Variants in PDLIM1 observed in about 807,000 individuals in gnomAD.
PDLIM1 encodes the protein PDZ and LIM domain 1.
PDLIM1 carries 25 observed loss-of-function variants against 35.2 expected under a neutral mutation model. That is an observed-to-expected ratio of 0.71 (90% CI 0.52 to 0.99). The LOEUF (loss-of-function observed/expected upper bound fraction) is 0.99, where lower values mean the gene tolerates loss of function less well. Among genes scored for constraint, PDLIM1 ranks in the 50% least tolerant of loss-of-function variants. The pLI is 0.00. For synonymous variants in PDLIM1, 152 were observed against 154.0 expected (o/e 0.99, Z 0.10); for missense variants, 363 against 415.3 (o/e 0.87, Z 1.09).
At chr10:95,271,003 G>A (rs139607128) in intron 2 of PDLIM1, among the ~76,000 whole-genome samples, 44 of 151,678 alleles carry the variant, frequency 2.9e-4, no homozygotes, top group South Asian at 1.0e-3. Context: ...TGTCTGCCTC[G>A]GCCTCCCAAA....
intron 5 of PDLIM1, among the ~76,000 whole-genome samples, chr10:95,242,173 C>T (rs1311493211): frequency 2.6e-5 from 4 of 152,082 alleles, no homozygotes; most frequent in Non-Finnish European, 4.4e-5. Context: ...TCAGTTCTGC[C>T]CCACCAGCAG....
At chr10:95,250,912 T>C (rs540738489) in intron 4 of PDLIM1, among the ~76,000 whole-genome samples, 1 of 152,316 alleles carries the variant, frequency 6.6e-6, no homozygotes. Flanking sequence ...CCAGGGTTAT[T>C]CTAGCCAAGC....
At position 95,247,259 on chromosome 10, in the gene PDLIM1, G is replaced by A. The variant is rs767998963; in HGVS notation, c.641C>T (p.Thr214Met). Residue 214 changes from threonine to methionine, a missense_variant, in exon 5 of 7, where the codon ACG (threonine) becomes ATG (methionine). Physicochemically the swap from Thr to Met is moderately conservative, Grantham distance 81. Transcript: ENST00000329399. ...QELNEPPKQS[T>M]SFLVLQEILE... ...GATTTCCTGCAAAACCAAGAAAGAC[G>A]TGGACTGTTTCGGGGGCTCATTCAA... 18 of 1,613,946 alleles carry A rather than the reference G, an allele frequency of 1.1e-5. No homozygotes were observed. Among genetic ancestry groups the A allele is most frequent in the East Asian group, 8.9e-5 (4 of 44,894 alleles).
At chr10:95,278,509 T>C (rs1292236248) in intron 1 of PDLIM1, among the ~76,000 whole-genome samples, 1 of 151,098 alleles carries the variant, frequency 6.6e-6, no homozygotes, top group Non-Finnish European at 1.5e-5. Context: ...AACAAGGTAG[T>C]AGGGGCCTAA....
chr10:95,255,900 T>TACACACAC (rs59292355), intron 4 of PDLIM1, among the ~76,000 whole-genome samples: 4,006 of 138,874 alleles, frequency 0.029, 94 homozygotes, highest in South Asian at 0.11. Flanking sequence ...CCCCCCCCAC[T>TACACACAC]ACACACACAC....
At chr10:95,249,882 G>T (rs1179068718) in intron 4 of PDLIM1, among the ~76,000 whole-genome samples, 1 of 152,190 alleles carries the variant, frequency 6.6e-6, no homozygotes. Context: ...CAAGATTCAT[G>T]GGTTGGTCAC....
At chr10:95,277,795 A>G (rs574813574) in intron 1 of PDLIM1, among the ~76,000 whole-genome samples, 2 of 152,304 alleles carry the variant, frequency 1.3e-5, no homozygotes, top group South Asian at 4.1e-4. Context: ...TTAGAGGCCA[A>G]CATGTTCTCC....
In PDLIM1 at chr10:95,238,056, T is replaced by G; in HGVS notation, c.859A>C (p.Thr287Pro). The change falls in exon 7 of 7, where the codon ACT becomes CCT. Residue 287 changes from threonine to proline, a missense_variant. Transcript: ENST00000329399. ...TGTTTCAGGTTGGTGCCACAGTCAG[T>G]GCACACATAACACTCAGGGTGGCGG... is the stretch of plus-strand genomic sequence containing the variant. ...RHRHPECYVC[T>P]DCGTNLKQKG... is the part of the protein sequence containing the mutation. The G allele has an allele frequency of 6.2e-7, 1 of 1,614,102 alleles. No individual in the cohort carries two copies. Among genetic ancestry groups the G allele is most frequent in the African/African-American group, 1.3e-5 (1 of 75,038 alleles).
rs1285404680 is a variant in PDLIM1, at chr10:95,238,711, G to A, written c.686-26C>T. ...CTGAAATGAGGAAAACACTGTCATTGGCCAGGAAGGGCAGAATTGCATAAG... is the reference window on the plus strand; with the variant it reads ...CTGAAATGAGGAAAACACTGTCATTAGCCAGGAAGGGCAGAATTGCATAAG... On this transcript the variant is annotated intron_variant, in intron 5 of 6. Coordinates refer to ENST00000329399, the MANE Select transcript of PDLIM1 (RefSeq NM_020992.4). The A allele has an allele frequency of 2.2e-6, 3 of 1,374,558 alleles. No individual in the cohort carries two copies. The African/African-American group carries it at 4.3e-5, about 20-fold the overall frequency. 85.1% of individuals were successfully genotyped at this position (1,374,558 alleles called of 1,614,324 possible). A position where few individuals can be genotyped will look rare whatever the true frequency, so the allele number is the denominator to read the frequency against.
In PDLIM1 at chr10:95,263,964, T is replaced by C. The variant is rs905812893; in HGVS notation, c.433A>G (p.Asn145Asp). 3.7e-6 allele frequency: 6 copies of C among 1,613,746 alleles called. No individual in the cohort carries two copies. The African/African-American group carries it at 6.7e-5, about 18-fold the overall frequency. Residue 145 changes from asparagine (N) to aspartate (D), a missense_variant, in exon 4 of 7, where the codon AAC becomes GAC. Coordinates refer to ENST00000329399, the MANE Select transcript of PDLIM1 (RefSeq NM_020992.4). ...TTARVITNQY[N>D]NPAGLYSSEN... ...GAAGAGTAGAGGCCAGCTGGGTTGT[T>C]GTACTGGTTTGTGATGACCCTGGCA...
intron 4 of PDLIM1, among the ~76,000 whole-genome samples, chr10:95,262,078 A>G (rs1371836415): frequency 1.3e-5 from 2 of 151,992 alleles, no homozygotes; most frequent in Admixed American, 1.3e-4. Flanking sequence ...ACAGGGATGC[A>G]CATGTCATGG....
intron 4 of PDLIM1, among the ~76,000 whole-genome samples, chr10:95,254,921 A>T (rs527929121): frequency 5.3e-5 from 8 of 152,264 alleles, no homozygotes; most frequent in Admixed American, 4.6e-4. Flanking sequence ...TAAGTAAGTA[A>T]GTAAGTAAAT....
At chr10:95,247,177 T>C in intron 5 of PDLIM1, 38 bp downstream of exon 5, 1 of 1,590,334 alleles carries the variant, frequency 6.3e-7, no homozygotes, top group Non-Finnish European at 8.6e-7. Flanking sequence ...ACATCTGACC[T>C]TGAACAAGAG....
At chr10:95,265,813 G>T (rs1466764163) in intron 3 of PDLIM1, among the ~76,000 whole-genome samples, 5 of 151,978 alleles carry the variant, frequency 3.3e-5, no homozygotes, top group Non-Finnish European at 7.4e-5. Context: ...GAGGCAGGAG[G>T]ATCATGTAAG....
chr10:95,261,799 G>A (rs185907786), intron 4 of PDLIM1, among the ~76,000 whole-genome samples: 31 of 152,174 alleles, frequency 2.0e-4, no homozygotes, highest in South Asian at 1.0e-3. Context: ...ACCTGAGGTC[G>A]GGAGTTTGAG....
chr10:95,251,945 T>G (rs1328575081), intron 4 of PDLIM1, among the ~76,000 whole-genome samples: 2 of 152,120 alleles, frequency 1.3e-5, no homozygotes, highest in Non-Finnish European at 2.9e-5. Context: ...GAAAGGGCAA[T>G]GGGCACAGAC....
chr10:95,240,678 T>C (rs2035170749), intron 5 of PDLIM1, among the ~76,000 whole-genome samples: 1 of 152,162 alleles, frequency 6.6e-6, no homozygotes, highest in African/African-American at 2.4e-5. Flanking sequence ...ATAAATAAAG[T>C]TCTTAGAAAA....
At chr10:95,271,189 C>T (rs2035461928) in intron 2 of PDLIM1, among the ~76,000 whole-genome samples, 1 of 151,610 alleles carries the variant, frequency 6.6e-6, no homozygotes, top group Non-Finnish European at 1.5e-5. Context: ...GTAATCCTAG[C>T]ACTTTGGGAG....
Position 95,290,850 on chromosome 10 carries a change from C to A in PDLIM1, c.66G>T (p.Lys22Asn). ...AAATGGCGAGAGGCTGCTCGAAGTC[C>A]TTGCCGCCCACGAGGCGGAAGCCCC... ...GPWGFRLVGG[K>N]DFEQPLAISR... is the part of the protein sequence containing the mutation. The change falls in exon 1 of 7, where the codon AAG (lysine) becomes AAT (asparagine). Residue 22 changes from lysine to asparagine, a missense_variant. Lys to Asn is a moderately conservative substitution (Grantham distance 94). Coordinates refer to ENST00000329399, the MANE Select transcript of PDLIM1 (RefSeq NM_020992.4). The surrounding 1 kb of genome is among the most constrained non-coding windows in gnomAD (Gnocchi z 4.7). The A allele has an allele frequency of 6.4e-7, 1 of 1,564,780 alleles. No individual in the cohort carries two copies. The highest frequency in any genetic ancestry group is 1.4e-5 in the African/African-American group (1 of 71,136).
Sources: allele counts gnomAD v4.1 joint callset (sites outside exome capture counted in the v4.1 genomes callset), GRCh38; gene constraint gnomAD v4.1.1; non-coding constraint Gnocchi (gnomAD v3.1); transcripts MANE v1.5; gene names NCBI Gene and HGNC (gene_info 2026-07-23, HGNC 2026-07-21).